OSBP2: variants seen among roughly 807,000 people sequenced by gnomAD.
The protein encoded by OSBP2 is oxysterol-binding protein 2.
In OSBP2, 66 loss-of-function variants were observed where a neutral mutation model predicts 96.0. The ratio of observed to expected loss-of-function variants is 0.69; its 90% CI spans 0.56 to 0.84. The LOEUF (loss-of-function observed/expected upper bound fraction) is 0.84, where lower values mean the gene tolerates loss of function less well. Among genes scored for constraint, OSBP2 ranks in the 40% least tolerant of loss-of-function variants. The pLI is 0.00. For synonymous variants in OSBP2, 525 were observed against 520.9 expected (o/e 1.01, Z -0.11); for missense variants, 1,038 against 1,222.7 (o/e 0.85, Z 2.25).
Position 30,868,080 on chromosome 22 carries a change from G to A in OSBP2, c.854-2349G>A, listed in dbSNP as rs528724393. Reference sequence around the variant, plus strand: ...CTGGGCAATTTCAATGTACCTTTCCGTCCCCAGATCTACCTCACGGGGTCT... The same window carrying A: ...CTGGGCAATTTCAATGTACCTTTCCATCCCCAGATCTACCTCACGGGGTCT... On this transcript the variant is annotated intron_variant, in intron 2 of 13. Coordinates refer to ENST00000332585, the MANE Select transcript of OSBP2 (RefSeq NM_030758.4). Among the ~76,000 whole-genome samples the A allele has an allele frequency of 7.2e-5, 11 of 152,310 alleles. No homozygotes were observed. The South Asian group carries it at 1.2e-3, about 17-fold the overall frequency.
intron 2 of OSBP2, among the ~76,000 whole-genome samples, chr22:30,777,097 C>G (rs2090448173): frequency 6.6e-6 from 1 of 152,188 alleles, no homozygotes; most frequent in South Asian, 2.1e-4. Context: ...AGGGACTTGC[C>G]TTGTCTCAGA....
intron 2 of OSBP2, among the ~76,000 whole-genome samples, chr22:30,849,902 T>A (rs1326209811): frequency 6.6e-6 from 1 of 152,228 alleles, no homozygotes; most frequent in African/African-American, 2.4e-5. Context: ...TGGGGTGACA[T>A]AGTTGTCAAG....
chr22:30,773,468 G>A (rs1177398904), intron 2 of OSBP2, among the ~76,000 whole-genome samples: 3 of 152,168 alleles, frequency 2.0e-5, no homozygotes, highest in South Asian at 2.1e-4. Flanking sequence ...TTATTCACCT[G>A]TACAGTTATT....
At chr22:30,872,192 G>A in intron 3 of OSBP2, 2 of 455,396 alleles carry the variant, frequency 4.4e-6, no homozygotes, top group South Asian at 3.1e-5. Context: ...ACCCTCTCAG[G>A]CCCACTGTCC....
intron 1 of OSBP2, among the ~76,000 whole-genome samples, chr22:30,728,241 A>G (rs1187746727): frequency 6.6e-6 from 1 of 151,540 alleles, no homozygotes. Context: ...CTAAAAATAC[A>G]AAAAATTAGC....
chr22:30,763,501 C>T lies in OSBP2; in HGVS notation c.853+22132C>T, dbSNP rs138520971. On this transcript the variant is annotated intron_variant, in intron 2 of 13. Coordinates refer to ENST00000332585, the MANE Select transcript of OSBP2 (RefSeq NM_030758.4). ...TTTCTACTGAAAATACAAAAATTAT[C>T]CAGGTGTGGTGGTGCATGCCTCTAA... Among the ~76,000 whole-genome samples, 912 of 152,124 alleles carry T rather than the reference C, an allele frequency of 6.0e-3. 8 individuals are homozygous for T. Among genetic ancestry groups the T allele is most frequent in the African/African-American group, 0.021 (861 of 41,510 alleles).
At position 30,870,624 on chromosome 22, in the gene OSBP2, T is replaced by C. The variant is rs201160009; in HGVS notation, c.1049T>C (p.Leu350Pro). The C allele has an allele frequency of 1.9e-6, 3 of 1,613,866 alleles. No homozygotes were observed. Among genetic ancestry groups the C allele is most frequent in the East Asian group, 4.5e-5 (2 of 44,864 alleles). The change falls in exon 3 of 14, where the codon CTG becomes CCG. Residue 350 changes from leucine to proline, a missense_variant. Around this residue, in one of 3 missense-constraint regions of OSBP2, gnomAD observed 737 missense variants for 913.3 expected, o/e 0.81. Transcript: ENST00000332585. This position sits in a 1 kb window ranked among gnomAD's most constrained non-coding sequence, Gnocchi z 4.1. ...LKIPSESGEKLKVVNERATLF... is the reference protein window; with the variant it reads ...LKIPSESGEKPKVVNERATLF... The stretch of plus-strand genomic sequence containing the variant: ...ATCCCATCTGAGAGTGGGGAGAAGC[T>C]GAAGGTGGTGAATGAGCGGGCCACC...
chr22:30,765,544 C>A (rs1345121007), intron 2 of OSBP2, among the ~76,000 whole-genome samples: 1 of 152,178 alleles, frequency 6.6e-6, no homozygotes, highest in African/African-American at 2.4e-5. Flanking sequence ...CTACACAGGG[C>A]TCCTGCCAGC....
rs745736440 is a variant in OSBP2 at position 30,695,271 on chromosome 22, A to AGGCCGCATC, written c.365_373dup (p.Ala122_Ser124dup). 10 of 1,613,264 alleles carry AGGCCGCATC rather than the reference A, an allele frequency of 6.2e-6. No homozygotes were observed. Among genetic ancestry groups the AGGCCGCATC allele is most frequent in the Non-Finnish European group, 8.5e-6 (10 of 1,180,010 alleles). On this transcript the variant is annotated inframe_insertion, in exon 1 of 14. Transcript: ENST00000332585. ...GGTGTAGGGGCTGGGCCCTTCACTA[A>AGGCCGCATC]GGCCGCATCGGAGCCGCTCTCCCGG...
chr22:30,830,249 T>C (rs1050204747), intron 2 of OSBP2, among the ~76,000 whole-genome samples: 2 of 152,232 alleles, frequency 1.3e-5, no homozygotes, highest in Non-Finnish European at 2.9e-5. Context: ...TAAATTTCCT[T>C]TTATGTCCTG....
At chr22:30,763,415 A>G (rs1476364489) in intron 2 of OSBP2, among the ~76,000 whole-genome samples, 4 of 152,198 alleles carry the variant, frequency 2.6e-5, no homozygotes, top group Non-Finnish European at 5.9e-5. Context: ...GGGAGGCTGA[A>G]GTGGACAGAT....
At chr22:30,901,075 G>T (rs1569175389) in intron 12 of OSBP2, among the ~76,000 whole-genome samples, 2 of 152,164 alleles carry the variant, frequency 1.3e-5, no homozygotes, top group Non-Finnish European at 1.5e-5. Context: ...ATCACATAAA[G>T]AACTTTTTTT....
chr22:30,898,863 TA>T (rs2040124432), intron 12 of OSBP2, among the ~76,000 whole-genome samples: 3 of 51,920 alleles, frequency 5.8e-5, no homozygotes, highest in African/African-American at 2.5e-4. Flanking sequence ...ATCTTTATAT[TA>T]ATAATAATAA....
chr22:30,765,779 G>A lies in OSBP2; in HGVS notation c.853+24410G>A, dbSNP rs185869036. 1.9e-3 allele frequency among the ~76,000 whole-genome samples: 295 copies of A among 152,218 alleles called. 1 individual carries two copies. Among genetic ancestry groups the A allele is most frequent in the African/African-American group, 6.6e-3 (273 of 41,530 alleles). ...CAAGTGCATTGTATCTGAGTTTTTG[G>A]CCCCTGCCTTCTAGGCCTAGGTGCA... is the stretch of plus-strand genomic sequence containing the variant. On this transcript the variant is annotated intron_variant, in intron 2 of 13. Transcript: ENST00000332585.
At chr22:30,838,358 T>G (rs116809138) in intron 2 of OSBP2, among the ~76,000 whole-genome samples, 2,766 of 152,334 alleles carry the variant, frequency 0.018, 74 homozygotes, top group African/African-American at 0.06. Context: ...GAACCAGGTC[T>G]GATTCATATC....
chr22:30,803,958 A>G (rs554709378), intron 2 of OSBP2, among the ~76,000 whole-genome samples: 1 of 152,328 alleles, frequency 6.6e-6, no homozygotes, highest in Non-Finnish European at 1.5e-5. Flanking sequence ...ACCCAGCCAG[A>G]GGAGCTCTGG....
chr22:30,805,885 G>A (rs1397815153), intron 2 of OSBP2, among the ~76,000 whole-genome samples: 1 of 152,204 alleles, frequency 6.6e-6, no homozygotes, highest in African/African-American at 2.4e-5. Context: ...AGTCTGTTCA[G>A]AGAAACCCCT....
chr22:30,827,834 T>C (rs1602322184), intron 2 of OSBP2, among the ~76,000 whole-genome samples: 2 of 152,332 alleles, frequency 1.3e-5, no homozygotes, highest in Admixed American at 1.3e-4. Context: ...GGAAGGGTGC[T>C]TAATCAATGG....
chr22:30,744,224 G>T (rs578085601), intron 2 of OSBP2, among the ~76,000 whole-genome samples: 2 of 152,150 alleles, frequency 1.3e-5, no homozygotes, highest in Non-Finnish European at 2.9e-5. Context: ...AAGCTCTCAG[G>T]CTGATGTGAG....
Sources: gnomAD v4.1 joint callset for allele counts (sites outside exome capture counted in the v4.1 genomes callset) on GRCh38, gnomAD v4.1.1 for gene constraint, gnomAD v4.1.1 regional missense constraint, Gnocchi (gnomAD v3.1) non-coding constraint, MANE v1.5 for transcripts, NCBI Gene and HGNC (gene_info 2026-07-23, HGNC 2026-07-21) for gene names.